KIAA1328: variants seen among roughly 807,000 people sequenced by gnomAD.
KIAA1328 encodes protein hinderin.
In KIAA1328, 52 loss-of-function variants were observed where a neutral mutation model predicts 68.1. That is an observed-to-expected ratio of 0.76 (90% CI 0.61 to 0.96). KIAA1328 has a LOEUF of 0.96. Among genes scored for constraint, KIAA1328 ranks in the 40% least tolerant of loss-of-function variants. The pLI, the probability that KIAA1328 is intolerant of heterozygous loss-of-function variation, is 0.00. For synonymous variants in KIAA1328, 232 were observed against 239.4 expected (o/e 0.97, Z 0.28); for missense variants, 641 against 677.6 (o/e 0.95, Z 0.60).
At chr18:37,163,723 G>A (rs2059329684) in intron 8 of KIAA1328, among the ~76,000 whole-genome samples, 1 of 152,180 alleles carries the variant, frequency 6.6e-6, no homozygotes. Flanking sequence ...CAATTGGAGT[G>A]TCCAAAGTAC....
intron 5 of KIAA1328, among the ~76,000 whole-genome samples, chr18:36,935,315 T>C (rs1299117464): frequency 1.3e-5 from 2 of 152,212 alleles, no homozygotes; most frequent in East Asian, 3.8e-4. Flanking sequence ...TCCTCCCTTT[T>C]TCCTCTTCTC....
chr18:37,222,086 T>TCCCTCCAG lies in KIAA1328; in HGVS notation c.1594_1601dup (p.Arg534SerfsTer19). On this transcript the variant is annotated frameshift_variant, in exon 10 of 10. Coordinates refer to ENST00000280020, the MANE Select transcript of KIAA1328 (RefSeq NM_020776.3). LOFTEE classifies it high-confidence loss of function. ...ACTCTGCGCCCAAACCTCAGCGCTA[T>TCCCTCCAG]CCCTCCAGAGAAGCTGGGGCCTGGA... 1 of 1,613,736 alleles carries TCCCTCCAG rather than the reference T, an allele frequency of 6.2e-7. No homozygotes were observed. The highest frequency in any genetic ancestry group is 8.5e-7 in the Non-Finnish European group (1 of 1,179,818).
At chr18:37,216,899 CTTTTT>C (rs762745405) in intron 9 of KIAA1328, among the ~76,000 whole-genome samples, 14 of 90,360 alleles carry the variant, frequency 1.5e-4, no homozygotes, top group Admixed American at 4.6e-4. Context: ...TTCTTTGTCT[CTTTTT>C]TTTTTTTTTT....
At chr18:37,122,243 G>A (rs1006490494) in intron 7 of KIAA1328, among the ~76,000 whole-genome samples, 6 of 152,156 alleles carry the variant, frequency 3.9e-5, no homozygotes, top group South Asian at 2.1e-4. Flanking sequence ...TTATTGTGTC[G>A]TGCTTAAAGG....
chr18:37,082,836 C>G (rs1260937532), intron 7 of KIAA1328, among the ~76,000 whole-genome samples: 1 of 152,126 alleles, frequency 6.6e-6, no homozygotes, highest in African/African-American at 2.4e-5. Flanking sequence ...CACCTTAAAT[C>G]ATTTTTGGAG....
intron 6 of KIAA1328, among the ~76,000 whole-genome samples, chr18:37,065,590 G>C (rs565112742): frequency 6.6e-6 from 1 of 152,308 alleles, no homozygotes; most frequent in Admixed American, 6.5e-5. Flanking sequence ...AAATTGAAGG[G>C]AAGTTTTTAT....
chr18:37,027,375 G>A (rs1397312768), intron 6 of KIAA1328, among the ~76,000 whole-genome samples: 1 of 152,042 alleles, frequency 6.6e-6, no homozygotes, highest in Non-Finnish European at 1.5e-5. Context: ...CTACTTTAAA[G>A]TTCATATGGA....
intron 6 of KIAA1328, among the ~76,000 whole-genome samples, chr18:36,968,444 A>G (rs1321997053): frequency 6.6e-6 from 1 of 152,210 alleles, no homozygotes; most frequent in Non-Finnish European, 1.5e-5. Context: ...CAAATAAAAA[A>G]CAGAAAAAAG....
At chr18:36,904,708 C>T (rs1484863095) in intron 5 of KIAA1328, among the ~76,000 whole-genome samples, 1 of 152,076 alleles carries the variant, frequency 6.6e-6, no homozygotes, top group East Asian at 1.9e-4. Context: ...ATTTAGAACA[C>T]TTACATTTTA....
At chr18:37,057,648 G>A (rs2151693865) in intron 6 of KIAA1328, among the ~76,000 whole-genome samples, 1 of 151,740 alleles carries the variant, frequency 6.6e-6, no homozygotes, top group Non-Finnish European at 1.5e-5. Flanking sequence ...TGTTAGCCAG[G>A]ATGGTCTCGA....
chr18:37,126,150 T>C (rs1441355727), intron 7 of KIAA1328, among the ~76,000 whole-genome samples: 1 of 152,218 alleles, frequency 6.6e-6, no homozygotes. Flanking sequence ...TTGTATAAAA[T>C]TACCTTTAGG....
chr18:36,844,337 A>G (rs1225714789), intron 4 of KIAA1328, 35 bp downstream of exon 4: 2 of 1,336,016 alleles, frequency 1.5e-6, no homozygotes, highest in Non-Finnish European at 2.1e-6. Context: ...GATTTATTAT[A>G]CAAAAGACAA....
chr18:37,222,085 A>G lies in KIAA1328; in HGVS notation c.1592A>G (p.Tyr531Cys). 1.2e-6 allele frequency: 2 copies of G among 1,613,696 alleles called. No individual in the cohort carries two copies. The highest frequency in any genetic ancestry group is 1.1e-5 in the South Asian group (1 of 90,978). ...SPNSAPKPQR[Y>C]PSREAGAWNH... is the part of the protein sequence containing the mutation. ...AACTCTGCGCCCAAACCTCAGCGCT[A>G]TCCCTCCAGAGAAGCTGGGGCCTGG... Residue 531 changes from tyrosine (Y) to cysteine (C), a missense_variant, in exon 10 of 10, where the codon TAT (tyrosine) becomes TGT (cysteine). Physicochemically the swap from Tyr to Cys is radical, Grantham distance 194. Coordinates refer to ENST00000280020, the MANE Select transcript of KIAA1328 (RefSeq NM_020776.3).
chr18:36,859,960 C>T (rs949881757), intron 4 of KIAA1328, among the ~76,000 whole-genome samples: 9 of 148,888 alleles, frequency 6.0e-5, no homozygotes, highest in African/African-American at 2.2e-4. Flanking sequence ...AACTATTTCT[C>T]TCTAAATGTT....
In KIAA1328 at chr18:37,223,551, T is replaced by C. The variant is rs936499397; in HGVS notation, c.*1324T>C. 1.0e-6 allele frequency: 1 copy of C among 985,478 alleles called. No individual in the cohort carries two copies. Among genetic ancestry groups the C allele is most frequent in the Non-Finnish European group, 1.2e-6 (1 of 829,956 alleles). The allele number at this position is 985,478 out of a possible 1,614,324, so 61.0% of individuals were successfully genotyped here. ...TATTACTTGGGAATTTTATTTGATC[T>C]GGAGGGTGTGGCTTTTTTTCTCTCC... is the stretch of plus-strand genomic sequence containing the variant. On this transcript the variant is annotated 3_prime_UTR_variant, in exon 10 of 10. Transcript: ENST00000280020.
At chr18:36,922,041 C>G (rs1266031146) in intron 5 of KIAA1328, among the ~76,000 whole-genome samples, 1 of 152,064 alleles carries the variant, frequency 6.6e-6, no homozygotes, top group Admixed American at 6.5e-5. Context: ...AATTCTCCTG[C>G]CTCAGCCTCC....
At chr18:37,051,590 A>G (rs1263133892) in intron 6 of KIAA1328, among the ~76,000 whole-genome samples, 1 of 152,228 alleles carries the variant, frequency 6.6e-6, no homozygotes, top group Admixed American at 6.5e-5. Flanking sequence ...CCTGTACTAG[A>G]TGGGTTCACA....
chr18:37,141,877 A>G (rs939718712), intron 7 of KIAA1328, among the ~76,000 whole-genome samples: 1 of 152,220 alleles, frequency 6.6e-6, no homozygotes, highest in Non-Finnish European at 1.5e-5. Context: ...ATATTTGTTC[A>G]AATCTTTTAA....
chr18:36,935,561 A>C (rs1038059297), intron 5 of KIAA1328, among the ~76,000 whole-genome samples: 2 of 152,042 alleles, frequency 1.3e-5, no homozygotes, highest in African/African-American at 2.4e-5. Context: ...TTTTGGCTTT[A>C]TATTAGTCTT....
Sources: allele counts gnomAD v4.1 joint callset (sites outside exome capture counted in the v4.1 genomes callset), GRCh38; gene constraint gnomAD v4.1.1; transcripts MANE v1.5; gene names NCBI Gene and HGNC (gene_info 2026-07-23, HGNC 2026-07-21).